The following NOL12 variants were observed in gnomAD, a reference collection of about 807,000 sequenced individuals.
NOL12 encodes the protein nucleolar protein 12.
In NOL12, 21 loss-of-function variants were observed where a neutral mutation model predicts 25.2. The observed-to-expected ratio is 0.83, with a 90% CI of 0.59 to 1.20. The LOEUF is 1.20. Among genes scored for constraint, NOL12 ranks in the 50% most tolerant of loss-of-function variants. The pLI is 0.00. For missense variants in NOL12, 286 were observed against 287.6 expected, an observed-to-expected ratio of 0.99 and a Z score of 0.04; for synonymous variants, 133 against 113.8, an observed-to-expected ratio of 1.17 and a Z score of -1.08.
rs1420869580 is a variant in NOL12, at chr22:37,688,969, C to T, written c.358C>T (p.Leu120=). The T allele has an allele frequency of 1.2e-6, 2 of 1,612,840 alleles. No individual in the cohort carries two copies. The highest frequency in any genetic ancestry group is 2.7e-5 in the African/African-American group (2 of 74,930). The change falls in exon 4 of 6, where the codon CTG becomes TTG. Residue 120 remains leucine (L), a synonymous_variant. Coordinates refer to ENST00000359114, the MANE Select transcript of NOL12 (RefSeq NM_024313.3). The part of the protein sequence containing the change: ...ISDLDLSGAR[L]LGLTPPEGGA... ...TGACCTGGACCTCTCGGGGGCCCGG[C>T]TGCTCGGGCTGACCCCACCTGAGGT...
chr22:37,687,268 C>A (rs1027321161), intron 1 of NOL12, among the ~76,000 whole-genome samples: 2 of 129,812 alleles, frequency 1.5e-5, no homozygotes, highest in Non-Finnish European at 3.4e-5. Flanking sequence ...GCCCCCCCCC[C>A]CACCCGCCCC....
intron 4 of NOL12, among the ~76,000 whole-genome samples, chr22:37,689,536 A>T (rs1291721912): frequency 3.3e-5 from 5 of 150,942 alleles, no homozygotes; most frequent in East Asian, 1.9e-4. Flanking sequence ...CAATCAGCAT[A>T]AAAAAAAAAT....
chr22:37,689,022 G>A, intron 4 of NOL12, 30 bp downstream of exon 4: 1 of 1,604,828 alleles, frequency 6.2e-7, no homozygotes, highest in Non-Finnish European at 8.5e-7. Flanking sequence ...CTGGGAGGAA[G>A]GGGCGTGGGG....
intron 4 of NOL12, 79 bp from the exon 5 acceptor site, chr22:37,690,618 A>G: frequency 9.9e-7 from 1 of 1,008,812 alleles, no homozygotes; most frequent in South Asian, 1.5e-5. Context: ...CACTTGCCAG[A>G]GCCATGGTGG....
At chr22:37,686,821 A>T (rs1921836678) in intron 1 of NOL12, 2 of 985,432 alleles carry the variant, frequency 2.0e-6, no homozygotes, top group Non-Finnish European at 2.4e-6. Context: ...ATGAAATGAG[A>T]GTGGCTTAAG....
chr22:37,687,800 G>A (rs2145795688), intron 1 of NOL12, 110 bp from the exon 2 acceptor site: 3 of 745,504 alleles, frequency 4.0e-6, no homozygotes, highest in Non-Finnish European at 6.8e-6. Flanking sequence ...CACTTTTTTG[G>A]AATGGTGCCT....
At chr22:37,687,750 G>C in intron 1 of NOL12, 160 bp from the exon 2 acceptor site, 1 of 554,532 alleles carries the variant, frequency 1.8e-6, no homozygotes, top group Admixed American at 2.9e-5. Context: ...GAGCCACCAT[G>C]CCTGGCCATT....
intron 4 of NOL12, among the ~76,000 whole-genome samples, chr22:37,690,122 G>T (rs1266221207): frequency 6.6e-6 from 1 of 152,198 alleles, no homozygotes; most frequent in South Asian, 2.1e-4. Context: ...GGTGAGCCGA[G>T]ATCGTGCCAT....
Position 37,691,344 on chromosome 22 carries a change from AACGAAG to A in NOL12, c.*9_*14del. 3 of 1,600,154 alleles carry A rather than the reference AACGAAG, an allele frequency of 1.9e-6. No homozygotes were observed. Among genetic ancestry groups the A allele is most frequent in the South Asian group, 2.2e-5 (2 of 90,124 alleles). On this transcript the variant is annotated 3_prime_UTR_variant, in exon 6 of 6. Coordinates refer to ENST00000359114, the MANE Select transcript of NOL12 (RefSeq NM_024313.3). ...CGGCACAGCGGGGAGTGAGACCGAGAACGAAGCGGTGCCCCAGTCTAGGCTGCGGGG... is the reference window on the plus strand; with the variant it reads ...CGGCACAGCGGGGAGTGAGACCGAGACGGTGCCCCAGTCTAGGCTGCGGGG...
chr22:37,686,404 CAAG>C lies in NOL12; in HGVS notation c.22_24del (p.Lys8del), dbSNP rs767637886. On this transcript the variant is annotated inframe_deletion, in exon 1 of 6. Transcript: ENST00000359114. ...GCGGCCTCACTGCTATGGGCCGCAA[CAAG>C]AAGAAGAAGCGAGATGGTGACGACC... 6.7e-5 allele frequency: 108 copies of C among 1,604,562 alleles called. No homozygotes were observed. Among genetic ancestry groups the C allele is most frequent in the East Asian group, 3.2e-4 (14 of 43,954 alleles).
Position 37,686,353 on chromosome 22 carries a change from G to T in NOL12, c.-40G>T. On this transcript the variant is annotated 5_prime_UTR_variant, in exon 1 of 6. Coordinates refer to ENST00000359114, the MANE Select transcript of NOL12 (RefSeq NM_024313.3). ...CGGGAGGATGAGTACGCTACACCCG[G>T]AAGTGTCTTCAGGGAGAGGAAGCCG... is the stretch of plus-strand genomic sequence containing the variant. 2.6e-6 allele frequency: 4 copies of T among 1,563,898 alleles called. No homozygotes were observed. Among genetic ancestry groups the T allele is most frequent in the Non-Finnish European group, 3.5e-6 (4 of 1,158,436 alleles).
chr22:37,688,315 CA>C lies in NOL12; in HGVS notation c.194del (p.His65ProfsTer5). The C allele has an allele frequency of 6.2e-7, 1 of 1,614,170 alleles. No individual in the cohort carries two copies. The highest frequency in any genetic ancestry group is 8.5e-7 in the Non-Finnish European group (1 of 1,180,012). On this transcript the variant is annotated frameshift_variant, in exon 3 of 6. Coordinates refer to ENST00000359114, the MANE Select transcript of NOL12 (RefSeq NM_024313.3). LOFTEE classifies it high-confidence loss of function. ...EEQRKLREER[H>X]QEYLKMLAER... ...TTCCCTGCCTGTGTGGTTTCAGCGC[CA>C]CCAGGAATACTTGAAGATGCTGGCA... is the stretch of plus-strand genomic sequence containing the variant.
intron 2 of NOL12, 78 bp from the exon 3 acceptor site, chr22:37,688,234 C>T: frequency 6.7e-7 from 1 of 1,483,160 alleles, no homozygotes; most frequent in Non-Finnish European, 9.4e-7. Context: ...CTCCCTCACC[C>T]TGGGGGTGAT....
intron 4 of NOL12, 127 bp downstream of exon 4, chr22:37,689,119 G>GA (rs1921953475): frequency 1.7e-6 from 2 of 1,195,846 alleles, no homozygotes; most frequent in East Asian, 4.8e-5. Context: ...CGTGGGGGCA[G>GA]ACTGGCTTGT....
In NOL12 at chr22:37,691,468, G is replaced by GGCCTGGGGCCAGCTGCCTTT. The variant is rs1306658204; in HGVS notation, c.*141_*160dup. 2.5e-5 allele frequency: 26 copies of GGCCTGGGGCCAGCTGCCTTT among 1,042,696 alleles called. No homozygotes were observed. The African/African-American group carries it at 3.5e-4, about 14-fold the overall frequency. The allele number at this position is 1,042,696 out of a possible 1,614,324, so 64.6% of individuals were successfully genotyped here. On this transcript the variant is annotated 3_prime_UTR_variant, in exon 6 of 6. Coordinates refer to ENST00000359114, the MANE Select transcript of NOL12 (RefSeq NM_024313.3). ...AAGGTTGGGAAGCCAGGACCTCTCT[G>GGCCTGGGGCCAGCTGCCTTT]GCCTGGGGCCAGCTGCCTTTGCCTG...
intron 3 of NOL12, 59 bp downstream of exon 3, chr22:37,688,419 G>T: frequency 6.4e-7 from 1 of 1,569,898 alleles, no homozygotes; most frequent in Non-Finnish European, 8.8e-7. Context: ...TTATACCCTT[G>T]GTGGGTGGAA....
rs749684376 is a variant in NOL12, at chr22:37,688,008, G to C, written c.182G>C (p.Arg61Pro). Residue 61 changes from arginine to proline, a missense_variant, in exon 2 of 6, where the codon CGG (arginine) becomes CCG (proline). Transcript: ENST00000359114. Reference protein sequence around the residue: ...QRLKEEQRKLREERHQEYLKM... With the variant: ...QRLKEEQRKLPEERHQEYLKM... ...CTGAAAGAGGAGCAGAGGAAGCTTCGGGAGGAGGTACGCAGGGGGAAGGTG... is the reference window on the plus strand; with the variant it reads ...CTGAAAGAGGAGCAGAGGAAGCTTCCGGAGGAGGTACGCAGGGGGAAGGTG... The C allele has an allele frequency of 6.4e-7, 1 of 1,572,610 alleles. No individual in the cohort carries two copies. The highest frequency in any genetic ancestry group is 8.6e-7 in the Non-Finnish European group (1 of 1,159,042).
Position 37,691,380 on chromosome 22 carries a change from G to A in NOL12, c.*44G>A, listed in dbSNP as rs370508206. On this transcript the variant is annotated 3_prime_UTR_variant, in exon 6 of 6. Transcript: ENST00000359114. ...GCCCCAGTCTAGGCTGCGGGGACCT[G>A]TCCTTGCTCAGCTTGGCTGTCCCTG... 6.5e-7 allele frequency: 1 copy of A among 1,546,036 alleles called. No homozygotes were observed. The highest frequency in any genetic ancestry group is 1.4e-5 in the African/African-American group (1 of 73,052).
At chr22:37,691,119 G>T in intron 5 of NOL12, 55 bp from the exon 6 acceptor site, 1 of 1,540,236 alleles carries the variant, frequency 6.5e-7, no homozygotes, top group Non-Finnish European at 8.8e-7. Context: ...CGTGAGCCAG[G>T]TGGTGAGTCA....
Sources: allele counts gnomAD v4.1 joint callset (sites outside exome capture counted in the v4.1 genomes callset), GRCh38; gene constraint gnomAD v4.1.1; transcripts MANE v1.5; gene names NCBI Gene and HGNC (gene_info 2026-07-23, HGNC 2026-07-21).